Variants in CDAN1 observed in about 807,000 individuals in gnomAD.
CDAN1 encodes the protein codanin-1.
Under a neutral mutation model 139.8 loss-of-function variants are expected in CDAN1, and 107 were observed. The observed-to-expected ratio is 0.77, with a 90% CI of 0.65 to 0.90. The LOEUF (loss-of-function observed/expected upper bound fraction) is 0.90. CDAN1 is among the 40% of genes least tolerant of loss of function. CDAN1 has a pLI of 0.00. For missense variants in CDAN1, 1,667 were observed against 1,575.7 expected (o/e 1.06, Z -0.98); for synonymous variants, 776 against 660.6 (o/e 1.17, Z -2.68).
chr15:42,734,773 C>G (rs1054312256), intron 6 of CDAN1, among the ~76,000 whole-genome samples: 1 of 143,834 alleles, frequency 7.0e-6, no homozygotes, highest in Non-Finnish European at 1.5e-5. Context: ...CTCCCCCACA[C>G]CCGGCCTTTT....
At chr15:42,730,014 G>T in intron 15 of CDAN1, 114 bp downstream of exon 15, 2 of 1,167,928 alleles carry the variant, frequency 1.7e-6, no homozygotes, top group Admixed American at 3.9e-5. Context: ...GAATCCCCAG[G>T]CCTTTCCTGA....
At chr15:42,736,885 C>T (rs567618524) in intron 1 of CDAN1, 105 bp from the exon 2 acceptor site, 37 of 1,450,828 alleles carry the variant, frequency 2.6e-5, no homozygotes, top group African/African-American at 1.0e-4. Context: ...GCCCGGGCAG[C>T]GGCGCCCAGT....
At position 42,729,420 on chromosome 15, in the gene CDAN1, A is replaced by G. The variant is rs574097531; in HGVS notation, c.2408-58T>C. ...GAACCCTCTCCCCTCCCTAAGTATCATGGACTTTACTTGTGGAGTCAAGAG... is the reference window on the plus strand; with the variant it reads ...GAACCCTCTCCCCTCCCTAAGTATCGTGGACTTTACTTGTGGAGTCAAGAG... On this transcript the variant is annotated intron_variant, in intron 17 of 27. Transcript: ENST00000356231. 70 of 1,610,478 alleles carry G rather than the reference A, an allele frequency of 4.3e-5. No individual in the cohort carries two copies. The South Asian group carries it at 6.5e-4, about 15-fold the overall frequency.
At position 42,727,712 on chromosome 15, in the gene CDAN1, G is replaced by A; in HGVS notation, c.3005C>T (p.Pro1002Leu). 6.3e-7 allele frequency: 1 copy of A among 1,586,136 alleles called. No homozygotes were observed. Among genetic ancestry groups the A allele is most frequent in the Non-Finnish European group, 8.6e-7 (1 of 1,162,016 alleles). ...AVSRTLRAQG[P>L]EPAARGERRG... ...CCGCTCCCCCCGGGCAGCAGGTTCA[G>A]GACCCTGGGCTCGAAGTGTGCGACT... The change falls in exon 23 of 28, where the codon CCT becomes CTT. Residue 1002 changes from proline (P) to leucine (L), a missense_variant. Transcript: ENST00000356231.
In CDAN1 at chr15:42,729,601, G is replaced by A. The variant is rs1317028586; in HGVS notation, c.2374C>T (p.Gln792Ter). 1.2e-6 allele frequency: 2 copies of A among 1,614,034 alleles called. No individual in the cohort carries two copies. The highest frequency in any genetic ancestry group is 1.3e-5 in the African/African-American group (1 of 74,992). The change falls in exon 17 of 28, where the codon CAG (glutamine) becomes TAG (stop). Residue 792 changes from glutamine (Q) to a stop codon, truncating the protein, a stop_gained. Coordinates refer to ENST00000356231, the MANE Select transcript of CDAN1 (RefSeq NM_138477.4). LOFTEE classifies it high-confidence loss of function. Reference protein sequence around the residue: ...HGLDNAPVVDQQLLYTCCPYI... With the variant: ...HGLDNAPVVD ...GGGCAGCAGGTGTAGAGCAGCTGCT[G>A]GTCCACCACAGGCGCATTGTCCTGG...
In CDAN1 at chr15:42,728,772, G is replaced by A; in HGVS notation, c.2684C>T (p.Ser895Leu). The A allele has an allele frequency of 1.9e-6, 3 of 1,614,176 alleles. No individual in the cohort carries two copies. Among genetic ancestry groups the A allele is most frequent in the Non-Finnish European group, 2.5e-6 (3 of 1,180,028 alleles). The change falls in exon 20 of 28, where the codon TCA (serine) becomes TTA (leucine). Residue 895 changes from serine (S) to leucine (L), a missense_variant. Physicochemically the swap from Ser to Leu is moderately radical, Grantham distance 145. Coordinates refer to ENST00000356231, the MANE Select transcript of CDAN1 (RefSeq NM_138477.4). ...TGTCACCAGCTGCTCTTGGAGAAGT[G>A]ACTCTGCCTGGCGCACCAGATCTGC... The part of the protein sequence containing the change: ...LVADLVRQAE[S>L]LLQEQLVTQG...
Position 42,730,905 on chromosome 15 carries a change from A to G in CDAN1, c.2007+20T>C, listed in dbSNP as rs750686746. 3.7e-6 allele frequency: 6 copies of G among 1,614,160 alleles called. No homozygotes were observed. The highest frequency in any genetic ancestry group is 1.1e-5 in the South Asian group (1 of 91,070). On this transcript the variant is annotated intron_variant, in intron 13 of 27. Transcript: ENST00000356231. ...CGGTCCTCCCTGCTCCCTCCTCACC[A>G]GAATCCCCCGCCCATTCACCTGGCT...
intron 14 of CDAN1, 31 bp from the exon 15 acceptor site, chr15:42,730,246 G>A: frequency 1.3e-6 from 2 of 1,590,876 alleles, no homozygotes; most frequent in Non-Finnish European, 1.7e-6. Flanking sequence ...ACACGGGTTT[G>A]AGCAGAAAGG....
intron 8 of CDAN1, among the ~76,000 whole-genome samples, chr15:42,733,487 G>A (rs900725041): frequency 7.9e-5 from 12 of 152,078 alleles, no homozygotes; most frequent in African/African-American, 1.7e-4. Context: ...ATGTTGGCCC[G>A]GCTGGTCTCA....
At chr15:42,732,950 A>G (rs1019109153) in intron 9 of CDAN1, 147 bp downstream of exon 9, 3 of 723,084 alleles carry the variant, frequency 4.1e-6, no homozygotes, top group East Asian at 2.7e-5. Context: ...AGAGTTATCA[A>G]TAACTAAAGA....
chr15:42,734,979 T>C (rs2061668381), intron 6 of CDAN1, 121 bp downstream of exon 6: 2 of 738,488 alleles, frequency 2.7e-6, no homozygotes, highest in East Asian at 2.7e-5. Context: ...AGAAAGATTA[T>C]AGGTAGGAGA....
chr15:42,736,980 G>C (rs1168460322), intron 1 of CDAN1, 33 bp downstream of exon 1: 2 of 1,532,636 alleles, frequency 1.3e-6, no homozygotes, highest in Non-Finnish European at 8.8e-7. Flanking sequence ...AACCGGCTTC[G>C]AGTCAGACCT....
At position 42,736,726 on chromosome 15, in the gene CDAN1, A is replaced by G; in HGVS notation, c.145T>C (p.Phe49Leu). The change falls in exon 2 of 28, where the codon TTC (phenylalanine) becomes CTC (leucine). Residue 49 changes from phenylalanine (F) to leucine (L), a missense_variant. Physicochemically the swap from Phe to Leu is conservative, Grantham distance 22. Around this residue, in one of 3 missense-constraint regions of CDAN1, gnomAD observed 487 missense variants for 422.2 expected, o/e 1.15. Transcript: ENST00000356231. ...LSSLRALRKEFVPFLLNFLRE... is the reference protein window; with the variant it reads ...LSSLRALRKELVPFLLNFLRE... ...AGGAAGTTCAACAGGAACGGTACGAATTCTTTCCGCAGGGCCCGGAGTGAG... is the reference window on the plus strand; with the variant it reads ...AGGAAGTTCAACAGGAACGGTACGAGTTCTTTCCGCAGGGCCCGGAGTGAG... 6.4e-7 allele frequency: 1 copy of G among 1,561,164 alleles called. No individual in the cohort carries two copies. Among genetic ancestry groups the G allele is most frequent in the Non-Finnish European group, 8.6e-7 (1 of 1,157,608 alleles).
Position 42,730,722 on chromosome 15 carries a change from G to T in CDAN1, c.2050C>A (p.Leu684Met). Residue 684 changes from leucine to methionine, a missense_variant, in exon 14 of 28, where the codon CTG becomes ATG. Leu to Met is a conservative substitution (Grantham distance 15, BLOSUM62 2). Coordinates refer to ENST00000356231, the MANE Select transcript of CDAN1 (RefSeq NM_138477.4). ...LDVRTLLQRG[L>M]QARRAVLTVP... ...GTGAGCACCGCCCGGCGGGCCTGCAGCCCTCGCTGCAGCAGAGTCCGCACA... is the reference window on the plus strand; with the variant it reads ...GTGAGCACCGCCCGGCGGGCCTGCATCCCTCGCTGCAGCAGAGTCCGCACA... The T allele has an allele frequency of 6.2e-7, 1 of 1,612,920 alleles. No homozygotes were observed. The highest frequency in any genetic ancestry group is 8.5e-7 in the Non-Finnish European group (1 of 1,179,454).
Position 42,725,213 on chromosome 15 carries a change from C to T in CDAN1, c.3489G>A (p.Glu1163=), listed in dbSNP as rs1439267063. The change falls in exon 27 of 28, where the codon GAG becomes GAA. Residue 1163 remains glutamate (E), a synonymous_variant. Transcript: ENST00000356231. ...TCTCCATCCGTCCCATCAGACCCTT[C>T]TCCACCAGCTCCCGTAGCAAGAATA... ...LLLFLLRELV[E]KGLMGRMEIE... 4 of 1,614,254 alleles carry T rather than the reference C, an allele frequency of 2.5e-6. No individual in the cohort carries two copies. Among genetic ancestry groups the T allele is most frequent in the Non-Finnish European group, 3.4e-6 (4 of 1,180,034 alleles).
chr15:42,733,003 C>T (rs1290550774), intron 9 of CDAN1, 94 bp downstream of exon 9: 29 of 953,818 alleles, frequency 3.0e-5, no homozygotes, highest in African/African-American at 6.0e-5. Context: ...CTGGTAGGAG[C>T]GGGGAAAACC....
chr15:42,724,397 A>G lies in CDAN1; in HGVS notation c.*94T>C, dbSNP rs2061495632. The G allele has an allele frequency of 3.3e-6, 5 of 1,505,430 alleles. No individual in the cohort carries two copies. The highest frequency in any genetic ancestry group is 4.5e-6 in the Non-Finnish European group (5 of 1,115,382). 93.3% of individuals were successfully genotyped at this position (1,505,430 alleles called of 1,614,324 possible). ...TGACTGTAGACCCAGCTACACCCCA[A>G]CCAGTGAGGGTCTGCATTGGGCACT... On this transcript the variant is annotated 3_prime_UTR_variant, in exon 28 of 28. Transcript: ENST00000356231.
In CDAN1 at chr15:42,736,619, C is replaced by G; in HGVS notation, c.252G>C (p.Gly84=). The G allele has an allele frequency of 6.6e-7, 1 of 1,509,276 alleles. No individual in the cohort carries two copies. Among genetic ancestry groups the G allele is most frequent in the East Asian group, 2.8e-5 (1 of 36,298 alleles). 93.5% of individuals were successfully genotyped at this position (1,509,276 alleles called of 1,614,324 possible). The stretch of plus-strand genomic sequence containing the variant: ...TACCCCGCGGCGGGCCTCCCGGCCT[C>G]CCTGGCAAGGCTGCCGAGGCGCCCG... ...KTPGASAALP[G]RPGGPPRGSR... Residue 84 remains glycine, a synonymous_variant, in exon 2 of 28, where the codon GGG becomes GGC. Transcript: ENST00000356231.
chr15:42,729,706 G>C (rs2061583264), intron 16 of CDAN1, 84 bp from the exon 17 acceptor site: 1 of 1,591,930 alleles, frequency 6.3e-7, no homozygotes, highest in Non-Finnish European at 8.6e-7. Context: ...CTTTACAAGG[G>C]TTACATCTGC....
Sources: gnomAD v4.1 joint callset for allele counts (sites outside exome capture counted in the v4.1 genomes callset) on GRCh38, gnomAD v4.1.1 for gene constraint, gnomAD v4.1.1 regional missense constraint, MANE v1.5 for transcripts, NCBI Gene and HGNC (gene_info 2026-07-23, HGNC 2026-07-21) for gene names.